The following BCAS3 variants were observed in gnomAD, a reference collection of about 807,000 sequenced individuals.
BCAS3 encodes BCAS4/BCAS3 fusion.
In BCAS3, 53 loss-of-function variants were observed where a neutral mutation model predicts 116.1. That is an observed-to-expected ratio of 0.46 (90% CI 0.37 to 0.57). The LOEUF (loss-of-function observed/expected upper bound fraction) is 0.57, where lower values mean the gene tolerates loss of function less well. Among genes scored for constraint, BCAS3 ranks in the 20% least tolerant of loss-of-function variants. The probability of loss-of-function intolerance (pLI) is 0.00; values close to 1 mark genes in which losing one functional copy is unlikely to be tolerated. For missense variants in BCAS3, 917 were observed against 1,165.4 expected, an observed-to-expected ratio of 0.79 and a Z score of 3.10; for synonymous variants, 391 against 408.2, an observed-to-expected ratio of 0.96 and a Z score of 0.51.
chr17:60,861,456 T>G (rs949275849), intron 7 of BCAS3, among the ~76,000 whole-genome samples: 5 of 152,240 alleles, frequency 3.3e-5, no homozygotes, highest in African/African-American at 1.2e-4. Flanking sequence ...TGTAACTTCC[T>G]GTCTTACTAT....
chr17:60,876,988 A>G (rs192789044), intron 9 of BCAS3, among the ~76,000 whole-genome samples: 2 of 152,118 alleles, frequency 1.3e-5, no homozygotes, highest in Non-Finnish European at 2.9e-5. Context: ...TCGGTTTCAA[A>G]GCACAAGTGG....
chr17:61,060,494 T>C (rs1263731181), intron 19 of BCAS3, among the ~76,000 whole-genome samples: 1 of 152,114 alleles, frequency 6.6e-6, no homozygotes, highest in Non-Finnish European at 1.5e-5. Context: ...AAAAAAAACC[T>C]GTTCTAGAAA....
At chr17:60,954,285 G>T (rs2061004004) in intron 14 of BCAS3, among the ~76,000 whole-genome samples, 2 of 152,170 alleles carry the variant, frequency 1.3e-5, no homozygotes, top group African/African-American at 4.8e-5. Context: ...ATAGTTTGAA[G>T]TCAGGTAACA....
chr17:60,683,754 C>T (rs551930562), intron 2 of BCAS3, among the ~76,000 whole-genome samples: 1 of 151,366 alleles, frequency 6.6e-6, no homozygotes, highest in African/African-American at 2.4e-5. Flanking sequence ...ATTGCTTAAG[C>T]CCCGGAGGTC....
At position 61,354,652 on chromosome 17, in the gene BCAS3, C is replaced by T. The variant is rs2058049953; in HGVS notation, c.2426-13675C>T. The stretch of plus-strand genomic sequence containing the variant: ...CCCAGTCAGGATGGGAGGCCAGGCC[C>T]AGATCTTCTTCCCAAGGACCCTGCA... On this transcript the variant is annotated intron_variant, in intron 22 of 23. Coordinates refer to ENST00000407086, the MANE Select transcript of BCAS3 (RefSeq NM_017679.5). The surrounding 1 kb of genome is among the most constrained non-coding windows in gnomAD (Gnocchi z 4.5). 2 of 152,322 alleles carry T rather than the reference C, an allele frequency of 1.3e-5. No individual in the cohort carries two copies. The highest frequency in any genetic ancestry group is 1.3e-4 in the Admixed American group (2 of 15,304). 9.4% of individuals were successfully genotyped at this position (152,322 alleles called of 1,614,324 possible).
chr17:60,752,574 C>G (rs532032578), intron 6 of BCAS3, among the ~76,000 whole-genome samples: 1 of 152,022 alleles, frequency 6.6e-6, no homozygotes, highest in Non-Finnish European at 1.5e-5. Flanking sequence ...CAGGCGCCCT[C>G]CACCATGCCT....
chr17:61,105,126 G>A lies in BCAS3; in HGVS notation c.2425+20562G>A, dbSNP rs2074559832. ...TTTTTATGAGAATAAAAAGTGAATT[G>A]GGTGCTATTTAAATATTCTCTACTT... is the stretch of plus-strand genomic sequence containing the variant. On this transcript the variant is annotated intron_variant, in intron 22 of 23. Coordinates refer to ENST00000407086, the MANE Select transcript of BCAS3 (RefSeq NM_017679.5). This position sits in a 1 kb window ranked among gnomAD's most constrained non-coding sequence, Gnocchi z 4.3. 6.6e-6 allele frequency among the ~76,000 whole-genome samples: 1 copy of A among 152,088 alleles called. No homozygotes were observed. The highest frequency in any genetic ancestry group is 2.4e-5 in the African/African-American group (1 of 41,402).
At chr17:60,749,381 T>C (rs182319844) in intron 6 of BCAS3, among the ~76,000 whole-genome samples, 1 of 152,222 alleles carries the variant, frequency 6.6e-6, no homozygotes, top group African/African-American at 2.4e-5. Context: ...ATCCATACAA[T>C]GTTGGCTTTG....
intron 6 of BCAS3, among the ~76,000 whole-genome samples, chr17:60,782,723 C>T (rs1369751290): frequency 3.3e-5 from 5 of 151,714 alleles, no homozygotes; most frequent in Non-Finnish European, 5.9e-5. Flanking sequence ...GTAGCTGGGG[C>T]TACAGGTACG....
chr17:61,138,256 A>G (rs1008864541), intron 22 of BCAS3, among the ~76,000 whole-genome samples: 12 of 152,218 alleles, frequency 7.9e-5, no homozygotes, highest in African/African-American at 2.9e-4. Flanking sequence ...TGATGTGGCT[A>G]TTGGCTATCA....
chr17:60,736,892 CCCTCCCTTCCTCCCTT>C (rs1555686050), intron 5 of BCAS3, among the ~76,000 whole-genome samples: 23 of 130,578 alleles, frequency 1.8e-4, no homozygotes, highest in South Asian at 2.7e-4. Context: ...CTCCCTCCCT[CCCTCCCTTCCTCCCTT>C]CCTCCCTTCC....
At chr17:60,794,751 C>G (rs1313625907) in intron 6 of BCAS3, among the ~76,000 whole-genome samples, 1 of 152,166 alleles carries the variant, frequency 6.6e-6, no homozygotes, top group African/African-American at 2.4e-5. Flanking sequence ...CTACTCTGTT[C>G]CATTGGTCTA....
At chr17:61,154,047 T>A (rs1345514850) in intron 22 of BCAS3, among the ~76,000 whole-genome samples, 2 of 152,184 alleles carry the variant, frequency 1.3e-5, no homozygotes, top group Non-Finnish European at 2.9e-5. Flanking sequence ...GGAAGCAAGG[T>A]TGAGGGAGTA....
rs2076408261 is a variant in BCAS3 at position 61,132,789 on chromosome 17, A to G, written c.2425+48225A>G. Among the ~76,000 whole-genome samples the G allele has an allele frequency of 6.6e-6, 1 of 152,174 alleles. No homozygotes were observed. Among genetic ancestry groups the G allele is most frequent in the Non-Finnish European group, 1.5e-5 (1 of 68,024 alleles). ...AGAGTCCACTCCCCTATCCCCGTCAATGAGAAGAAGCTCCTTACCAGGTCT... is the reference window on the plus strand; with the variant it reads ...AGAGTCCACTCCCCTATCCCCGTCAGTGAGAAGAAGCTCCTTACCAGGTCT... On this transcript the variant is annotated intron_variant, in intron 22 of 23. Transcript: ENST00000407086. The surrounding 1 kb of genome is among the most constrained non-coding windows in gnomAD (Gnocchi z 5.1).
At chr17:60,904,333 G>A (rs531890394) in intron 11 of BCAS3, among the ~76,000 whole-genome samples, 23 of 152,136 alleles carry the variant, frequency 1.5e-4, no homozygotes, top group Admixed American at 1.2e-3. Context: ...GAACCCAGGA[G>A]GCGGAGGTTT....
chr17:61,255,962 T>A (rs1044656916), intron 22 of BCAS3, among the ~76,000 whole-genome samples: 1 of 152,188 alleles, frequency 6.6e-6, no homozygotes, highest in African/African-American at 2.4e-5. Flanking sequence ...TGCTCTCTTT[T>A]CCCCTGAAAA....
Position 61,185,859 on chromosome 17 carries a change from A to G in BCAS3, c.2425+101295A>G, listed in dbSNP as rs763125540. On this transcript the variant is annotated intron_variant, in intron 22 of 23. Coordinates refer to ENST00000407086, the MANE Select transcript of BCAS3 (RefSeq NM_017679.5). Reference sequence around the variant, plus strand: ...CTCTGAGAATTGTGGATTATTTTATATACTCATGTTTGGCTAAAAATTATA... The same window carrying G: ...CTCTGAGAATTGTGGATTATTTTATGTACTCATGTTTGGCTAAAAATTATA... Among the ~76,000 whole-genome samples the G allele has an allele frequency of 2.6e-5, 4 of 152,204 alleles. No homozygotes were observed. The East Asian group carries it at 5.8e-4, about 22-fold the overall frequency.
At chr17:60,739,444 AC>A (rs1360176729) in intron 5 of BCAS3, among the ~76,000 whole-genome samples, 2 of 152,054 alleles carry the variant, frequency 1.3e-5, no homozygotes, top group Non-Finnish European at 2.9e-5. Flanking sequence ...ATGTGGTAAA[AC>A]CCTGTCTCTA....
At chr17:60,934,998 C>A (rs146591921) in intron 13 of BCAS3, among the ~76,000 whole-genome samples, 5,839 of 152,012 alleles carry the variant, frequency 0.038, 423 homozygotes, top group African/African-American at 0.13. Context: ...TCTCTACTAA[C>A]AATACAAAAA....
Sources: gnomAD v4.1 joint callset for allele counts (sites outside exome capture counted in the v4.1 genomes callset) on GRCh38, gnomAD v4.1.1 for gene constraint, Gnocchi (gnomAD v3.1) non-coding constraint, MANE v1.5 for transcripts, NCBI Gene and HGNC (gene_info 2026-07-23, HGNC 2026-07-21) for gene names.